Variants in USH2A observed in about 807,000 individuals in gnomAD.
USH2A encodes the protein usherin.
USH2A carries 443 observed loss-of-function variants against 538.9 expected under a neutral mutation model. The observed-to-expected ratio is 0.82, with a 90% CI of 0.76 to 0.89. USH2A has a LOEUF of 0.89. USH2A is among the 40% of genes least tolerant of loss of function. The pLI is 0.00. For missense variants in USH2A, 6,633 were observed against 6,324.8 expected (o/e 1.05, Z -1.65); for synonymous variants, 2,413 against 2,273.5 (o/e 1.06, Z -1.75).
intron 61 of USH2A, among the ~76,000 whole-genome samples, chr1:215,696,108 C>G (rs1658800003): frequency 6.6e-6 from 1 of 152,050 alleles, no homozygotes; most frequent in Non-Finnish European, 1.5e-5. Flanking sequence ...ATAACAGAAG[C>G]CTTACCAACA....
chr1:216,312,848 T>C (rs2037446369), intron 9 of USH2A, among the ~76,000 whole-genome samples: 1 of 152,178 alleles, frequency 6.6e-6, no homozygotes, highest in South Asian at 2.1e-4. Flanking sequence ...CTTTGTTTGT[T>C]TGTTTTTGGT....
intron 3 of USH2A, among the ~76,000 whole-genome samples, chr1:216,393,829 A>G (rs1363452435): frequency 1.3e-5 from 2 of 152,202 alleles, no homozygotes; most frequent in Non-Finnish European, 2.9e-5. Context: ...CTTCTGATCT[A>G]TAAATGACAC....
At chr1:216,085,161 G>C (rs186004220) in intron 24 of USH2A, 3 of 353,502 alleles carry the variant, frequency 8.5e-6, no homozygotes, top group African/African-American at 2.1e-5. Flanking sequence ...AACTAACACA[G>C]AAAATTCATC....
intron 21 of USH2A, among the ~76,000 whole-genome samples, chr1:216,132,387 T>A (rs1175918738): frequency 2.0e-5 from 3 of 152,090 alleles, no homozygotes; most frequent in African/African-American, 7.2e-5. Context: ...TGTATAGTCT[T>A]TATACTGTTA....
intron 3 of USH2A, among the ~76,000 whole-genome samples, chr1:216,400,729 A>C (rs964473466): frequency 1.3e-5 from 2 of 152,194 alleles, no homozygotes; most frequent in Non-Finnish European, 2.9e-5. Context: ...ATACCAGTTC[A>C]AATGACAACA....
chr1:215,977,179 C>T (rs1667638679), intron 35 of USH2A, among the ~76,000 whole-genome samples: 1 of 151,952 alleles, frequency 6.6e-6, no homozygotes, highest in Non-Finnish European at 1.5e-5. Flanking sequence ...AAACCCTTAA[C>T]AGACCAATGT....
chr1:216,052,383 GA>G (rs2030818355), intron 30 of USH2A, among the ~76,000 whole-genome samples: 2 of 148,544 alleles, frequency 1.3e-5, no homozygotes. Flanking sequence ...AAAAAAGAAA[GA>G]AAAAGAAGAA....
intron 11 of USH2A, among the ~76,000 whole-genome samples, chr1:216,255,863 C>A (rs2036248751): frequency 6.6e-6 from 1 of 152,044 alleles, no homozygotes; most frequent in South Asian, 2.1e-4. Flanking sequence ...TTACTTTCTC[C>A]TTCAGTTACG....
chr1:215,968,700 A>T (rs1667418492), intron 36 of USH2A, among the ~76,000 whole-genome samples: 1 of 152,174 alleles, frequency 6.6e-6, no homozygotes, highest in Admixed American at 6.6e-5. Flanking sequence ...TGAACAAAAA[A>T]ATTGAACTCT....
At chr1:216,338,376 TC>T (rs1433123922) in intron 4 of USH2A, among the ~76,000 whole-genome samples, 1 of 151,420 alleles carries the variant, frequency 6.6e-6, no homozygotes, top group Non-Finnish European at 1.5e-5. Context: ...TAATGTGTGT[TC>T]AATAAAAATC....
chr1:215,875,931 T>TA, intron 43 of USH2A, among the ~76,000 whole-genome samples: 1 of 146,224 alleles, frequency 6.8e-6, no homozygotes, highest in South Asian at 2.1e-4. Flanking sequence ...ATATTGATTA[T>TA]TATATATAAT....
chr1:215,652,106 C>T (rs968207845), intron 64 of USH2A, among the ~76,000 whole-genome samples: 1 of 152,222 alleles, frequency 6.6e-6, no homozygotes, highest in Non-Finnish European at 1.5e-5. Context: ...TTTCACAAAG[C>T]ACTTTAACTT....
intron 4 of USH2A, among the ~76,000 whole-genome samples, chr1:216,352,184 A>G (rs2038300212): frequency 6.6e-6 from 1 of 152,048 alleles, no homozygotes; most frequent in African/African-American, 2.4e-5. Flanking sequence ...ACTGGAGGTG[A>G]TCTTTAAGGG....
intron 44 of USH2A, among the ~76,000 whole-genome samples, chr1:215,862,363 A>G (rs930050098): frequency 2.0e-4 from 30 of 151,868 alleles, no homozygotes; most frequent in Non-Finnish European, 1.9e-4. Context: ...GAATTGAACA[A>G]TGAGAACACT....
At chr1:215,642,811 C>T (rs1656730801) in intron 67 of USH2A, among the ~76,000 whole-genome samples, 1 of 151,844 alleles carries the variant, frequency 6.6e-6, no homozygotes, top group Admixed American at 6.6e-5. Context: ...CTGATAAGCA[C>T]TTCAAATCAG....
chr1:215,726,272 C>A (rs1259204898), intron 61 of USH2A, among the ~76,000 whole-genome samples: 1 of 152,106 alleles, frequency 6.6e-6, no homozygotes, highest in East Asian at 1.9e-4. Context: ...CACTTAAGAA[C>A]ACTGCTTCTA....
chr1:215,975,664 A>C (rs1667603293), intron 35 of USH2A, among the ~76,000 whole-genome samples: 1 of 152,058 alleles, frequency 6.6e-6, no homozygotes, highest in Non-Finnish European at 1.5e-5. Flanking sequence ...TTTCTGTTCC[A>C]TTGGTCTATG....
intron 9 of USH2A, among the ~76,000 whole-genome samples, chr1:216,299,856 A>G (rs992877196): frequency 7.9e-5 from 12 of 152,186 alleles, no homozygotes; most frequent in African/African-American, 2.9e-4. Flanking sequence ...ATACAGAAGC[A>G]AAGATTTTGA....
At chr1:216,081,080 T>G (rs952520067) in intron 26 of USH2A, among the ~76,000 whole-genome samples, 3 of 152,142 alleles carry the variant, frequency 2.0e-5, no homozygotes, top group Non-Finnish European at 2.9e-5. Flanking sequence ...CCGTATTAGT[T>G]TTCCTATAGT....
Sources: gnomAD v4.1 joint callset for allele counts (sites outside exome capture counted in the v4.1 genomes callset) on GRCh38, gnomAD v4.1.1 for gene constraint, MANE v1.5 for transcripts, NCBI Gene and HGNC (gene_info 2026-07-23, HGNC 2026-07-21) for gene names.